Variants in CTNND2 observed in about 807,000 individuals in gnomAD.
The protein encoded by CTNND2 is catenin delta-2.
A neutral mutation model predicts 144.4 loss-of-function variants in CTNND2; 22 were observed. That is an observed-to-expected ratio of 0.15 (90% CI 0.11 to 0.22). The LOEUF is 0.22. Among genes scored for constraint, CTNND2 ranks in the 10% least tolerant of loss-of-function variants. The pLI is 1.00. For missense variants in CTNND2, 1,353 were observed against 1,618.8 expected (o/e 0.84, Z 2.82); for synonymous variants, 751 against 695.6 (o/e 1.08, Z -1.25).
At chr5:11,069,194 A>G (rs1747958229) in intron 16 of CTNND2, among the ~76,000 whole-genome samples, 1 of 152,254 alleles carries the variant, frequency 6.6e-6, no homozygotes, top group African/African-American at 2.4e-5. Flanking sequence ...AGGAGATGAC[A>G]CTACTCTACT....
At position 11,530,828 on chromosome 5, in the gene CTNND2, G is replaced by GGGAT. The variant is rs577459716; in HGVS notation, c.287+34112_287+34115dup. Among the ~76,000 whole-genome samples the GGGAT allele has an allele frequency of 4.6e-5, 7 of 152,240 alleles. No homozygotes were observed. The South Asian group carries it at 1.5e-3, about 32-fold the overall frequency. On this transcript the variant is annotated intron_variant, in intron 3 of 21. Transcript: ENST00000304623. Reference sequence around the variant, plus strand: ...TTGGTACCAATTTTTGAAGGGCCCAGGGATCATACTTAGATTATGAACTCT... The same window carrying GGGAT: ...TTGGTACCAATTTTTGAAGGGCCCAGGGATGGATCATACTTAGATTATGAACTCT...
chr5:11,424,703 C>T (rs1561372768), intron 3 of CTNND2, among the ~76,000 whole-genome samples: 1 of 152,152 alleles, frequency 6.6e-6, no homozygotes, highest in African/African-American at 2.4e-5. Flanking sequence ...TTTTATACCA[C>T]TGTGTCTGCT....
chr5:11,600,920 AG>A (rs1779760335), intron 2 of CTNND2, among the ~76,000 whole-genome samples: 1 of 152,138 alleles, frequency 6.6e-6, no homozygotes, highest in Non-Finnish European at 1.5e-5. Flanking sequence ...CTTGCCTCCC[AG>A]TGAGAAGGCA....
intron 16 of CTNND2, among the ~76,000 whole-genome samples, chr5:11,062,375 T>C (rs1489662867): frequency 6.6e-6 from 1 of 152,240 alleles, no homozygotes; most frequent in Non-Finnish European, 1.5e-5. Flanking sequence ...ATACTCTATA[T>C]GAAGATAAGA....
intron 16 of CTNND2, among the ~76,000 whole-genome samples, chr5:11,047,073 T>C (rs1310018835): frequency 6.6e-6 from 1 of 152,202 alleles, no homozygotes; most frequent in Non-Finnish European, 1.5e-5. Flanking sequence ...TCCTCATGAA[T>C]TTCCGGAGGG....
chr5:11,487,991 C>G (rs919732583), intron 3 of CTNND2, among the ~76,000 whole-genome samples: 1 of 152,124 alleles, frequency 6.6e-6, no homozygotes, highest in African/African-American at 2.4e-5. Flanking sequence ...TCAAGATGAA[C>G]AGGGAAGATG....
At chr5:11,062,897 T>C (rs376853742) in intron 16 of CTNND2, among the ~76,000 whole-genome samples, 93 of 152,326 alleles carry the variant, frequency 6.1e-4, no homozygotes, top group African/African-American at 1.8e-3. Context: ...AAACATTCTC[T>C]GAGATGAAGC....
intron 9 of CTNND2, among the ~76,000 whole-genome samples, chr5:11,257,369 T>G (rs1006372907): frequency 4.6e-5 from 7 of 152,188 alleles, no homozygotes; most frequent in Admixed American, 3.9e-4. Context: ...TTTACTGTAT[T>G]AGTCCATTCT....
At chr5:11,646,086 T>C (rs930122716) in intron 2 of CTNND2, among the ~76,000 whole-genome samples, 4 of 152,188 alleles carry the variant, frequency 2.6e-5, no homozygotes, top group Admixed American at 1.3e-4. Context: ...TGTCCTTTTT[T>C]CTTCTCTGTC....
chr5:11,200,016 A>C (rs1453116775), intron 10 of CTNND2, among the ~76,000 whole-genome samples: 1 of 152,238 alleles, frequency 6.6e-6, no homozygotes, highest in Non-Finnish European at 1.5e-5. Context: ...CTCATTCCCT[A>C]GACTTATTAA....
intron 2 of CTNND2, among the ~76,000 whole-genome samples, chr5:11,705,231 C>T (rs560973441): frequency 6.6e-6 from 1 of 152,270 alleles, no homozygotes; most frequent in Admixed American, 6.5e-5. Flanking sequence ...GATGTGTCTC[C>T]AACCCAAAGG....
Position 11,612,977 on chromosome 5 carries a change from A to C in CTNND2, c.175-47921T>G, listed in dbSNP as rs558411421. 4.7e-4 allele frequency among the ~76,000 whole-genome samples: 70 copies of C among 148,290 alleles called. 1 individual carries two copies. The highest frequency in any genetic ancestry group is 1.6e-3 in the African/African-American group (66 of 41,286). ...TCCAGGAGTAATTAACAATAGCTTA[A>C]ATTAATTTCCATAATTAATAGAGTC... is the stretch of plus-strand genomic sequence containing the variant. On this transcript the variant is annotated intron_variant, in intron 2 of 21. Coordinates refer to ENST00000304623, the MANE Select transcript of CTNND2 (RefSeq NM_001332.4).
intron 15 of CTNND2, among the ~76,000 whole-genome samples, chr5:11,091,810 C>G (rs189110929): frequency 1.3e-5 from 2 of 152,070 alleles, no homozygotes; most frequent in African/African-American, 4.8e-5. Context: ...CATGAGTGTC[C>G]GATTTCATTC....
intron 2 of CTNND2, among the ~76,000 whole-genome samples, chr5:11,630,243 G>A (rs1781348773): frequency 6.6e-6 from 1 of 152,138 alleles, no homozygotes. Context: ...AACCCATACA[G>A]TGCTGTGACA....
At chr5:11,102,674 T>G (rs1752014353) in intron 14 of CTNND2, among the ~76,000 whole-genome samples, 1 of 152,220 alleles carries the variant, frequency 6.6e-6, no homozygotes, top group Non-Finnish European at 1.5e-5. Context: ...ATGTATTCTT[T>G]CATTAAGAAG....
At chr5:11,465,176 T>G (rs1176069529) in intron 3 of CTNND2, among the ~76,000 whole-genome samples, 1 of 152,238 alleles carries the variant, frequency 6.6e-6, no homozygotes, top group African/African-American at 2.4e-5. Context: ...TTGTTCACAT[T>G]GTTAATAATC....
intron 1 of CTNND2, among the ~76,000 whole-genome samples, chr5:11,892,149 T>C (rs1473695747): frequency 6.6e-6 from 1 of 152,254 alleles, no homozygotes. Flanking sequence ...AAGCCCAGAA[T>C]GCACATGCAG....
chr5:11,820,898 C>A (rs569473448), intron 1 of CTNND2, among the ~76,000 whole-genome samples: 2 of 152,122 alleles, frequency 1.3e-5, no homozygotes, highest in African/African-American at 4.8e-5. Context: ...AGGATTATCC[C>A]GGTAACAGAA....
At chr5:11,476,504 C>T (rs1767753861) in intron 3 of CTNND2, among the ~76,000 whole-genome samples, 1 of 152,142 alleles carries the variant, frequency 6.6e-6, no homozygotes, top group African/African-American at 2.4e-5. Flanking sequence ...AAAGTAAACA[C>T]AAACCTGGCT....
Sources: gnomAD v4.1 joint callset for allele counts (sites outside exome capture counted in the v4.1 genomes callset) on GRCh38, gnomAD v4.1.1 for gene constraint, MANE v1.5 for transcripts, NCBI Gene and HGNC (gene_info 2026-07-23, HGNC 2026-07-21) for gene names.